EDNRB: variants seen among roughly 807,000 people sequenced by gnomAD.
EDNRB encodes the protein Hirschsprung disease 2.
Under a neutral mutation model 46.4 loss-of-function variants are expected in EDNRB, and 18 were observed. That is an observed-to-expected ratio of 0.39 (90% CI 0.27 to 0.57). EDNRB has a LOEUF of 0.57. Ranked by LOEUF, EDNRB falls within the 20% of genes least tolerant of loss-of-function variation. The pLI, the probability that EDNRB is intolerant of heterozygous loss-of-function variation, is 0.61. For missense variants in EDNRB, 434 were observed against 537.5 expected (o/e 0.81, Z 1.90); for synonymous variants, 213 against 204.9 (o/e 1.04, Z -0.34).
chr13:77,945,885 AAAAAAAAAC>A (rs940579138), intron 1 of EDNRB, among the ~76,000 whole-genome samples: 2 of 151,450 alleles, frequency 1.3e-5, no homozygotes, highest in African/African-American at 4.8e-5. Context: ...CCAAAAAAAA[AAAAAAAAAC>A]AAAAAAAACA....
chr13:77,899,957 C>T lies in EDNRB; in HGVS notation c.1096G>A (p.Val366Ile). 1.2e-6 allele frequency: 2 copies of T among 1,611,462 alleles called. No individual in the cohort carries two copies. Among genetic ancestry groups the T allele is most frequent in the Non-Finnish European group, 1.7e-6 (2 of 1,178,506 alleles). The change falls in exon 6 of 7, where the codon GTA becomes ATA. Residue 366 changes from valine to isoleucine, a missense_variant. Physicochemically the swap from Val to Ile is conservative, Grantham distance 29. Coordinates refer to ENST00000646607, the MANE Select transcript of EDNRB (RefSeq NM_001122659.3). ...NRCELLSFLL[V>I]LDYIGINMAS... The stretch of plus-strand genomic sequence containing the variant: ...ATGTTGATACCAATATAGTCCAATA[C>T]CAACAGAAAGCTGCAACAAAATAAC...
intron 1 of EDNRB, among the ~76,000 whole-genome samples, chr13:77,931,701 A>T (rs78789229): frequency 0.1 from 14,979 of 145,078 alleles, 847 homozygotes; most frequent in Middle Eastern, 0.2. Context: ...TTTGAGTCTC[A>T]GCTACAGCTC....
chr13:77,906,847 G>A (rs1232752920), intron 1 of EDNRB, among the ~76,000 whole-genome samples: 4 of 152,094 alleles, frequency 2.6e-5, no homozygotes, highest in East Asian at 3.9e-4. Context: ...AGGGTAATTT[G>A]TTATTCATTA....
At chr13:77,950,993 T>A (rs1301728103) in intron 1 of EDNRB, among the ~76,000 whole-genome samples, 1 of 152,208 alleles carries the variant, frequency 6.6e-6, no homozygotes, top group African/African-American at 2.4e-5. Context: ...GAGAGGTTTT[T>A]AAGGCCAGCT....
At chr13:77,911,221 A>G (rs1319977947) in intron 1 of EDNRB, among the ~76,000 whole-genome samples, 1 of 152,078 alleles carries the variant, frequency 6.6e-6, no homozygotes, top group Non-Finnish European at 1.5e-5. Flanking sequence ...CTGAAGACAC[A>G]GAAGAATGAG....
intron 1 of EDNRB, among the ~76,000 whole-genome samples, chr13:77,937,872 G>A (rs761338713): frequency 1.8e-4 from 27 of 152,150 alleles, no homozygotes; most frequent in Non-Finnish European, 3.7e-4. Context: ...TTTGGGATGA[G>A]CTGCATCGGG....
At chr13:77,962,440 A>T (rs951087761) in intron 1 of EDNRB, among the ~76,000 whole-genome samples, 2 of 152,060 alleles carry the variant, frequency 1.3e-5, no homozygotes, top group Non-Finnish European at 2.9e-5. Context: ...ACCATGATCA[A>T]GTGGGCTTCA....
intron 5 of EDNRB, 87 bp downstream of exon 5, chr13:77,900,434 T>C: frequency 1.3e-6 from 2 of 1,582,662 alleles, no homozygotes; most frequent in South Asian, 1.1e-5. Context: ...AAAATGGTAG[T>C]CTGTCTTTCT....
intron 1 of EDNRB, among the ~76,000 whole-genome samples, chr13:77,943,428 A>C (rs1221338752): frequency 6.6e-6 from 1 of 152,122 alleles, no homozygotes; most frequent in Non-Finnish European, 1.5e-5. Context: ...CTATTGCTTT[A>C]CTGAAACTCT....
chr13:77,956,978 T>G (rs1056724018), intron 1 of EDNRB, among the ~76,000 whole-genome samples: 2 of 152,200 alleles, frequency 1.3e-5, no homozygotes, highest in African/African-American at 2.4e-5. Flanking sequence ...AACATATTCA[T>G]AGGGACTGAG....
intron 6 of EDNRB, chr13:77,899,418 ATT>A (rs66860239): frequency 0.016 from 2,685 of 168,330 alleles, 49 homozygotes; most frequent in Non-Finnish European, 0.021. Context: ...AACCTAAACT[ATT>A]TTTTTTTTGT....
chr13:77,924,417 T>A (rs771930521), upstream of EDNRB, among the ~76,000 whole-genome samples: 2 of 152,138 alleles, frequency 1.3e-5, no homozygotes, highest in Non-Finnish European at 2.9e-5. Flanking sequence ...AATGCAAAGC[T>A]GGCATTTGAG....
At chr13:77,931,425 T>C (rs576526975) in intron 1 of EDNRB, among the ~76,000 whole-genome samples, 18 of 152,296 alleles carry the variant, frequency 1.2e-4, no homozygotes, top group African/African-American at 4.3e-4. Flanking sequence ...TATGATATAA[T>C]CCAGCCTTAC....
upstream of EDNRB, among the ~76,000 whole-genome samples, chr13:77,920,363 G>T (rs1348171216): frequency 4.6e-5 from 7 of 152,174 alleles, no homozygotes; most frequent in African/African-American, 1.7e-4. Flanking sequence ...TATAAAAGAG[G>T]TCAGGAAGTC....
At chr13:77,951,791 T>A (rs1285901567) in intron 1 of EDNRB, among the ~76,000 whole-genome samples, 1 of 152,110 alleles carries the variant, frequency 6.6e-6, no homozygotes, top group Admixed American at 6.6e-5. Context: ...AGAGGAGGCT[T>A]TAACCCTCTT....
At position 77,897,908 on chromosome 13, in the gene EDNRB, TGTTGTGTGAATATCCTGGAA is replaced by T; in HGVS notation, c.*272_*291del. On this transcript the variant is annotated 3_prime_UTR_variant, in exon 7 of 7. Coordinates refer to ENST00000646607, the MANE Select transcript of EDNRB (RefSeq NM_001122659.3). ...GAGTGAGCTCATTTTTAAGCCTAAG[TGTTGTGTGAATATCCTGGAA>T]GTTGTTAAGAGCTATGTTGAAGTGC... 2 of 1,129,088 alleles carry T rather than the reference TGTTGTGTGAATATCCTGGAA, an allele frequency of 1.8e-6. No homozygotes were observed. The highest frequency in any genetic ancestry group is 2.2e-6 in the Non-Finnish European group (2 of 917,070). 69.9% of individuals were successfully genotyped at this position (1,129,088 alleles called of 1,614,324 possible).
rs11388909 is a variant in EDNRB, at chr13:77,916,914, CT to C, written c.483+1176del. Among the ~76,000 whole-genome samples, 267 of 147,242 alleles carry C rather than the reference CT, an allele frequency of 1.8e-3. 1 individual carries two copies. Among genetic ancestry groups the C allele is most frequent in the African/African-American group, 4.3e-3 (172 of 40,104 alleles). ...TTTTCCAACTGTTTTATTTAGACTG[CT>C]TTTTTTTTTTTAACACCATAAAGCC... On this transcript the variant is annotated intron_variant, in intron 1 of 6. Coordinates refer to ENST00000646607, the MANE Select transcript of EDNRB (RefSeq NM_001122659.3).
Position 77,897,507 on chromosome 13 carries a change from G to A in EDNRB, c.*693C>T. 2.0e-6 allele frequency: 2 copies of A among 979,676 alleles called. No homozygotes were observed. The highest frequency in any genetic ancestry group is 2.4e-6 in the Non-Finnish European group (2 of 824,872). The allele number at this position is 979,676 out of a possible 1,614,324, so 60.7% of individuals were successfully genotyped here. A position where few individuals can be genotyped will look rare whatever the true frequency, so the allele number is the denominator to read the frequency against. On this transcript the variant is annotated 3_prime_UTR_variant, in exon 7 of 7. Transcript: ENST00000646607. ...TATATTTTAAATTCAGCTGGCACAT[G>A]TGCCAGTCTGTTACATGCTGCTTGT...
In EDNRB at chr13:77,918,038, C is replaced by T; in HGVS notation, c.483+53G>A. 3 of 1,612,786 alleles carry T rather than the reference C, an allele frequency of 1.9e-6. No homozygotes were observed. The African/African-American group carries it at 4.0e-5, about 22-fold the overall frequency. ...TACAAGCTTTCTCATCTCCCCGTCT[C>T]CAACCAGGCCCCCTTCCTCAAGCCC... On this transcript the variant is annotated intron_variant, in intron 1 of 6. Coordinates refer to ENST00000646607, the MANE Select transcript of EDNRB (RefSeq NM_001122659.3). This position sits in a 1 kb window ranked among gnomAD's most constrained non-coding sequence, Gnocchi z 4.5.
Sources: allele counts gnomAD v4.1 joint callset (sites outside exome capture counted in the v4.1 genomes callset), GRCh38; gene constraint gnomAD v4.1.1; non-coding constraint Gnocchi (gnomAD v3.1); transcripts MANE v1.5; gene names NCBI Gene and HGNC (gene_info 2026-07-23, HGNC 2026-07-21).